The following LAMA1 variants were observed in gnomAD, a reference collection of about 807,000 sequenced individuals.
The protein encoded by LAMA1 is laminin subunit alpha 1.
A neutral mutation model predicts 348.7 loss-of-function variants in LAMA1; 219 were observed. The ratio of observed to expected loss-of-function variants is 0.63; its 90% CI spans 0.56 to 0.70. LAMA1 has a LOEUF of 0.70. LAMA1 is among the 30% of genes least tolerant of loss of function. The pLI is 0.00. For missense variants in LAMA1, 3,744 were observed against 3,888.0 expected (o/e 0.96, Z 0.99); for synonymous variants, 1,487 against 1,491.0 (o/e 1.00, Z 0.06).
In LAMA1 at chr18:6,942,126, C is replaced by T. The variant is rs746161956; in HGVS notation, c.9181G>A (p.Glu3061Lys). 16 of 1,614,032 alleles carry T rather than the reference C, an allele frequency of 9.9e-6. No individual in the cohort carries two copies. In the South Asian group the frequency reaches 1.5e-4, roughly 16 times the overall value. ...VQSFDFSRAF[E>K]LHGVFLHSCP... Reference sequence around the variant, plus strand: ...GAATGAAGGAAAACTCCGTGCAGTTCGAACGCTCTGCTGAAGTCAAAGGAC... The same window carrying T: ...GAATGAAGGAAAACTCCGTGCAGTTTGAACGCTCTGCTGAAGTCAAAGGAC... The change falls in exon 63 of 63, where the codon GAA becomes AAA. Residue 3061 changes from glutamate (E) to lysine (K), a missense_variant. Around this residue, in one of 3 missense-constraint regions of LAMA1, gnomAD observed 232 missense variants for 264.4 expected, o/e 0.88. Coordinates refer to ENST00000389658, the MANE Select transcript of LAMA1 (RefSeq NM_005559.4).
At chr18:7,013,138 G>C (rs1032662426) in intron 23 of LAMA1, among the ~76,000 whole-genome samples, 2 of 151,996 alleles carry the variant, frequency 1.3e-5, no homozygotes, top group Non-Finnish European at 2.9e-5. Flanking sequence ...TCCAGCCTGA[G>C]AGACAGAGCA....
intron 42 of LAMA1, among the ~76,000 whole-genome samples, chr18:6,979,309 T>C (rs2057697583): frequency 1.3e-5 from 2 of 152,180 alleles, no homozygotes; most frequent in Admixed American, 6.5e-5. Context: ...AAACAGGACT[T>C]TGGGGCTTCC....
chr18:7,023,042 C>T, intron 19 of LAMA1, 122 bp downstream of exon 19: 1 of 1,020,450 alleles, frequency 9.8e-7, no homozygotes, highest in Non-Finnish European at 1.5e-6. Flanking sequence ...AGCATTAATG[C>T]AAGTAACCCC....
At chr18:7,013,359 T>C (rs1414283012) in intron 23 of LAMA1, among the ~76,000 whole-genome samples, 1 of 151,944 alleles carries the variant, frequency 6.6e-6, no homozygotes, top group African/African-American at 2.4e-5. Context: ...CAAAGCACAT[T>C]GGGAAAACTA....
intron 61 of LAMA1, among the ~76,000 whole-genome samples, chr18:6,946,197 C>T (rs985855746): frequency 2.0e-5 from 3 of 151,946 alleles, no homozygotes; most frequent in African/African-American, 7.2e-5. Context: ...CAAAAGGGAA[C>T]GGACTGTTGA....
At chr18:7,044,162 C>CAAAAAAAA (rs60402984) in intron 7 of LAMA1, among the ~76,000 whole-genome samples, 2 of 40,220 alleles carry the variant, frequency 5.0e-5, no homozygotes, top group Non-Finnish European at 1.2e-4. Flanking sequence ...GACTCCATCT[C>CAAAAAAAA]AAAAAAAAAA....
rs769553685 is a variant in LAMA1, at chr18:7,032,162, G to A, written c.2178C>T (p.Gly726=). Residue 726 remains glycine (G), a synonymous_variant, in exon 16 of 63, where the codon GGC becomes GGT. Transcript: ENST00000389658. ...TGTSCESCLS[G]YYRVDGILFG... ...AGAGTATTCCATCCACGCGGTAATA[G>A]CCAGAGAGGCACGACTGCAAGAGAA... is the stretch of plus-strand genomic sequence containing the variant. The A allele has an allele frequency of 3.1e-6, 5 of 1,613,124 alleles. No individual in the cohort carries two copies. The South Asian group carries it at 5.5e-5, about 18-fold the overall frequency.
At chr18:7,027,867 T>C (rs1437296534) in intron 16 of LAMA1, among the ~76,000 whole-genome samples, 4 of 152,158 alleles carry the variant, frequency 2.6e-5, no homozygotes, top group African/African-American at 4.8e-5. Flanking sequence ...TGCATGAACC[T>C]GGGAGGCAGA....
chr18:7,083,192 C>CTTT (rs1457187464), intron 1 of LAMA1, among the ~76,000 whole-genome samples: 5 of 102,408 alleles, frequency 4.9e-5, no homozygotes, highest in Admixed American at 1.2e-4. Flanking sequence ...TATATATATA[C>CTTT]ATTTTTTTTT....
intron 3 of LAMA1, among the ~76,000 whole-genome samples, chr18:7,051,946 A>G (rs1037147797): frequency 6.6e-6 from 1 of 152,212 alleles, no homozygotes; most frequent in Admixed American, 6.5e-5. Flanking sequence ...GCTCCTGGGA[A>G]TTCAACCAAA....
chr18:6,969,721 G>A (rs890477831), intron 48 of LAMA1, among the ~76,000 whole-genome samples: 2 of 152,110 alleles, frequency 1.3e-5, no homozygotes, highest in African/African-American at 4.8e-5. Context: ...AGCCAGTCTC[G>A]AGTTGGCAGG....
At chr18:7,063,388 T>A (rs2058110198) in intron 3 of LAMA1, among the ~76,000 whole-genome samples, 1 of 152,182 alleles carries the variant, frequency 6.6e-6, no homozygotes, top group Admixed American at 6.5e-5. Flanking sequence ...TTTATTTTTT[T>A]AAAAGATGCA....
Position 6,983,101 on chromosome 18 carries a change from G to C in LAMA1, c.5794C>G (p.Leu1932Val), listed in dbSNP as rs115759032. The part of the protein sequence containing the change: ...DAHRTVTETS[L>V]LSESLVSNGK... Reference sequence around the variant, plus strand: ...AAAGAAGCCACGTCGTTTCCTACCAGGCTCGTCTCAGTCACAGTCCTGTGA... The same window carrying C: ...AAAGAAGCCACGTCGTTTCCTACCACGCTCGTCTCAGTCACAGTCCTGTGA... Residue 1932 changes from leucine to valine, a missense_variant and splice_region_variant, in exon 40 of 63, where the codon CTG becomes GTG. Physicochemically the swap from Leu to Val is conservative, Grantham distance 32 (BLOSUM62 1). Coordinates refer to ENST00000389658, the MANE Select transcript of LAMA1 (RefSeq NM_005559.4). 2.8e-4 allele frequency: 456 copies of C among 1,614,108 alleles called. No homozygotes were observed. The African/African-American group carries it at 5.5e-3, about 19-fold the overall frequency.
chr18:7,112,699 C>A (rs910486865), intron 1 of LAMA1, among the ~76,000 whole-genome samples: 1 of 150,620 alleles, frequency 6.6e-6, no homozygotes, highest in Non-Finnish European at 1.5e-5. Flanking sequence ...TGCAATGGCA[C>A]GATCTCGGCT....
intron 1 of LAMA1, among the ~76,000 whole-genome samples, chr18:7,081,398 A>G (rs950665603): frequency 1.3e-5 from 2 of 152,184 alleles, no homozygotes; most frequent in African/African-American, 4.8e-5. Context: ...GGTCTTTTCT[A>G]TAATTATCTA....
In LAMA1 at chr18:7,010,655, G is replaced by A. The variant is rs112516825; in HGVS notation, c.3688-270C>T. 2.0e-4 allele frequency among the ~76,000 whole-genome samples: 30 copies of A among 152,270 alleles called. 1 individual carries two copies. Among genetic ancestry groups the A allele is most frequent in the African/African-American group, 7.2e-4 (30 of 41,570 alleles). The stretch of plus-strand genomic sequence containing the variant: ...TGGTAGTGATGCAAATTATTTTCAA[G>A]CTCCTTTAGATTAAAAATTTCTCTA... On this transcript the variant is annotated intron_variant, in intron 25 of 62. Transcript: ENST00000389658.
chr18:6,950,672 G>C (rs948867812), intron 58 of LAMA1, 110 bp downstream of exon 58: 6 of 1,246,992 alleles, frequency 4.8e-6, no homozygotes, highest in Non-Finnish European at 7.0e-6. Flanking sequence ...AGACACACAC[G>C]GCGAGATAGA....
At chr18:7,041,789 G>T (rs1307089933) in intron 9 of LAMA1, among the ~76,000 whole-genome samples, 1 of 152,154 alleles carries the variant, frequency 6.6e-6, no homozygotes, top group African/African-American at 2.4e-5. Flanking sequence ...TCAATTATCT[G>T]CTCAAATGTC....
chr18:6,959,014 T>C (rs1382758515), intron 54 of LAMA1, among the ~76,000 whole-genome samples: 2 of 152,190 alleles, frequency 1.3e-5, no homozygotes, highest in African/African-American at 2.4e-5. Context: ...GGAATGTTGA[T>C]ATAATGCTAT....
Sources: allele counts gnomAD v4.1 joint callset (sites outside exome capture counted in the v4.1 genomes callset), GRCh38; gene constraint gnomAD v4.1.1; regional missense constraint gnomAD v4.1.1; transcripts MANE v1.5; gene names NCBI Gene and HGNC (gene_info 2026-07-23, HGNC 2026-07-21).